The following RABGEF1 variants were observed in gnomAD, a reference collection of about 807,000 sequenced individuals.
RABGEF1 encodes the protein rab5 GDP/GTP exchange factor.
RABGEF1 carries 26 observed loss-of-function variants against 57.3 expected under a neutral mutation model. The ratio of observed to expected loss-of-function variants is 0.45; its 90% CI spans 0.33 to 0.63. The LOEUF is 0.63. RABGEF1 is among the 20% of genes least tolerant of loss of function. The pLI, the probability that RABGEF1 is intolerant of heterozygous loss-of-function variation, is 0.02. For synonymous variants in RABGEF1, 185 were observed against 210.7 expected, an observed-to-expected ratio of 0.88 and a Z score of 1.06; for missense variants, 464 against 607.6, an observed-to-expected ratio of 0.76 and a Z score of 2.48.
upstream of RABGEF1, among the ~76,000 whole-genome samples, chr7:66,679,262 T>A (rs559331640): frequency 2.0e-5 from 3 of 152,332 alleles, no homozygotes; most frequent in East Asian, 5.8e-4. Context: ...TCAGGTCACC[T>A]CACGAGGCCA....
upstream of RABGEF1, among the ~76,000 whole-genome samples, chr7:66,738,028 T>TG (rs1481099803): frequency 1.4e-3 from 216 of 150,342 alleles, no homozygotes; most frequent in Non-Finnish European, 2.5e-3. Flanking sequence ...TTTTTGTTTT[T>TG]TTTTTTTTTT....
chr7:66,785,050 G>T (rs1362165038), intron 4 of RABGEF1, among the ~76,000 whole-genome samples: 1 of 152,164 alleles, frequency 6.6e-6, no homozygotes, highest in African/African-American at 2.4e-5. Flanking sequence ...CATATAGCAT[G>T]TATGCTGTAT....
At chr7:66,682,228 C>T in exon 1 of RABGEF1, 1 of 165,692 alleles carries the variant, frequency 6.0e-6, no homozygotes, top group Non-Finnish European at 1.5e-5. Flanking sequence ...GGGCGAGCTG[C>T]GGCTCGGACG....
chr7:66,676,190 C>T, the RABGEF1 span, among the ~76,000 whole-genome samples: 78 of 152,070 alleles, frequency 5.1e-4, no homozygotes, highest in African/African-American at 1.7e-3. Flanking sequence ...AGTGGTGGCC[C>T]GTGAATTGCT....
intron 1 of RABGEF1, among the ~76,000 whole-genome samples, chr7:66,753,310 A>G (rs751726342): frequency 2.0e-5 from 3 of 152,168 alleles, no homozygotes; most frequent in Non-Finnish European, 4.4e-5. Context: ...TGATTGTCCT[A>G]TTTGTAAAGA....
chr7:66,732,696 GCTCT>G lies in RABGEF1; in HGVS notation c.-814-7290_-814-7287del, dbSNP rs369579457. On this transcript the variant is annotated intron_variant and NMD_transcript_variant, in intron 2 of 9. Transcript: ENST00000607882. ...TTTTCCTGACAAGCTGCGCTCTTGT[GCTCT>G]CTCTCTCTCGCTCACTCTCTCTCGC... is the stretch of plus-strand genomic sequence containing the variant. Among the ~76,000 whole-genome samples the G allele has an allele frequency of 7.5e-3, 1,134 of 151,678 alleles. 14 individuals carry two copies. Among genetic ancestry groups the G allele is most frequent in the African/African-American group, 0.024 (977 of 41,368 alleles).
Position 66,772,088 on chromosome 7 carries a change from C to T in RABGEF1, c.179+10C>T. On this transcript the variant is annotated intron_variant, in intron 2 of 8. Transcript: ENST00000284957. The stretch of plus-strand genomic sequence containing the variant: ...GGGAGCTGGCGGAGCGGTAAAAGGA[C>T]TTAACTAGGGGCGGTTGAACAGTGA... 1 of 1,498,934 alleles carries T rather than the reference C, an allele frequency of 6.7e-7. No individual in the cohort carries two copies. Among genetic ancestry groups the T allele is most frequent in the Non-Finnish European group, 8.9e-7 (1 of 1,119,396 alleles). The allele number at this position is 1,498,934 out of a possible 1,614,324, so 92.9% of individuals were successfully genotyped here.
intron 2 of RABGEF1, among the ~76,000 whole-genome samples, chr7:66,731,414 C>T (rs979338070): frequency 6.6e-6 from 1 of 152,042 alleles, no homozygotes; most frequent in African/African-American, 2.4e-5. Flanking sequence ...GAACGCCTGG[C>T]TGGTAAATAA....
the RABGEF1 span, among the ~76,000 whole-genome samples, chr7:66,667,986 C>T: frequency 1.4e-4 from 21 of 152,054 alleles, no homozygotes; most frequent in Non-Finnish European, 2.9e-4. Flanking sequence ...TTAGTAGAGA[C>T]AGGGTTTCAC....
chr7:66,683,917 A>C lies in RABGEF1; in HGVS notation c.-873+1659A>C, dbSNP rs202212367. The stretch of plus-strand genomic sequence containing the variant: ...CGCCACACCCAGCTGATTTTTAAAG[A>C]TTTTGTAAAGATGTTGTCTTGCTGC... On this transcript the variant is annotated intron_variant and NMD_transcript_variant, in intron 1 of 9. Coordinates refer to the RABGEF1 transcript ENST00000607882. Among the ~76,000 whole-genome samples the C allele has an allele frequency of 4.3e-4, 66 of 152,066 alleles. No homozygotes were observed. In the East Asian group the frequency reaches 9.5e-3, roughly 22 times the overall value.
chr7:66,749,308 C>G (rs901997178), intron 1 of RABGEF1, among the ~76,000 whole-genome samples: 1 of 152,134 alleles, frequency 6.6e-6, no homozygotes, highest in African/African-American at 2.4e-5. Flanking sequence ...GAGAGACCAT[C>G]CTTATTCACT....
chr7:66,752,232 G>A (rs901663398), intron 1 of RABGEF1, among the ~76,000 whole-genome samples: 8 of 151,846 alleles, frequency 5.3e-5, no homozygotes, highest in East Asian at 1.9e-4. Context: ...GGTGGCTCAC[G>A]CCTGTAATCT....
the RABGEF1 span, among the ~76,000 whole-genome samples, chr7:66,667,013 G>T: frequency 6.6e-6 from 1 of 152,212 alleles, no homozygotes; most frequent in Non-Finnish European, 1.5e-5. Context: ...GAAATCATAT[G>T]TCCACTCCAG....
intron 4 of RABGEF1, among the ~76,000 whole-genome samples, chr7:66,794,550 A>G (rs1478746727): frequency 1.3e-5 from 2 of 152,208 alleles, no homozygotes; most frequent in Non-Finnish European, 2.9e-5. Flanking sequence ...TTACACCTAT[A>G]AAATCAGTAA....
chr7:66,699,989 G>A (rs1330075735), intron 1 of RABGEF1, among the ~76,000 whole-genome samples: 4 of 152,158 alleles, frequency 2.6e-5, no homozygotes, highest in African/African-American at 9.7e-5. Flanking sequence ...CATCCTCTCC[G>A]GGCTCCTCTG....
intron 1 of RABGEF1, among the ~76,000 whole-genome samples, chr7:66,711,633 C>G (rs1319866907): frequency 2.0e-5 from 3 of 151,858 alleles, no homozygotes; most frequent in Non-Finnish European, 2.9e-5. Context: ...GTCACCCAGG[C>G]TGGGATGCAG....
At chr7:66,766,980 G>A (rs1201171627) in intron 1 of RABGEF1, among the ~76,000 whole-genome samples, 2 of 146,458 alleles carry the variant, frequency 1.4e-5, no homozygotes, top group African/African-American at 2.5e-5. Flanking sequence ...AATCCAACCT[G>A]GAAATTGCCT....
In RABGEF1 at chr7:66,794,180, T is replaced by G. The variant is rs1285488082; in HGVS notation, c.514-1331T>G. Among the ~76,000 whole-genome samples, 4 of 151,530 alleles carry G rather than the reference T, an allele frequency of 2.6e-5. No individual in the cohort carries two copies. In the East Asian group the frequency reaches 5.8e-4, roughly 22 times the overall value. On this transcript the variant is annotated intron_variant, in intron 4 of 8. Transcript: ENST00000284957. ...ACATTTCTGTCTTGTCATCTGTGGC[T>G]CTGCTTTAGGTCTCTCTCCATGTTT...
chr7:66,681,048 A>C (rs1789682958), upstream of RABGEF1, among the ~76,000 whole-genome samples: 1 of 152,124 alleles, frequency 6.6e-6, no homozygotes, highest in Non-Finnish European at 1.5e-5. Flanking sequence ...ACACCACTGC[A>C]CTCCACTCTG....
Sources: gnomAD v4.1 joint callset for allele counts (sites outside exome capture counted in the v4.1 genomes callset) on GRCh38, gnomAD v4.1.1 for gene constraint, MANE v1.5 for transcripts, NCBI Gene and HGNC (gene_info 2026-07-23, HGNC 2026-07-21) for gene names.